VPS41: variants seen among roughly 807,000 people sequenced by gnomAD.
The protein encoded by VPS41 is VPS41 subunit of HOPS complex, also known as vacuolar protein sorting-associated protein 41 homolog.
VPS41 carries 85 observed loss-of-function variants against 130.9 expected under a neutral mutation model. The ratio of observed to expected loss-of-function variants is 0.65; its 90% confidence interval spans 0.55 to 0.78. The LOEUF is 0.78. Ranked by LOEUF, VPS41 falls within the 30% of genes least tolerant of loss-of-function variation. The pLI is 0.00. For synonymous variants in VPS41, 335 were observed against 332.9 expected, an observed-to-expected ratio of 1.01 and a Z score of -0.07; for missense variants, 874 against 1,018.7, an observed-to-expected ratio of 0.86 and a Z score of 1.93.
intron 14 of VPS41, 119 bp from the exon 15 acceptor site, chr7:38,767,717 T>C (rs1784076289): frequency 7.6e-6 from 4 of 529,044 alleles, no homozygotes; most frequent in Admixed American, 3.3e-5. Context: ...CTATAACCTG[T>C]TTATACTCTT....
chr7:38,786,160 C>T (rs1461561767), intron 10 of VPS41, among the ~76,000 whole-genome samples: 1 of 151,414 alleles, frequency 6.6e-6, no homozygotes, highest in Non-Finnish European at 1.5e-5. Context: ...CTGTGTGACA[C>T]CATGATTACA....
rs1374349812 is a variant in VPS41 at position 38,793,551 on chromosome 7, GTA to G, written c.717+1912_717+1913del. Among the ~76,000 whole-genome samples, 4 of 152,132 alleles carry G rather than the reference GTA, an allele frequency of 2.6e-5. 1 individual carries two copies. Among genetic ancestry groups the G allele is most frequent in the Admixed American group, 2.0e-4 (3 of 15,272 alleles). On this transcript the variant is annotated intron_variant, in intron 9 of 28. Coordinates refer to ENST00000310301, the MANE Select transcript of VPS41 (RefSeq NM_014396.4). ...ATCTTAACTTGGGCATAAAGAAAGG[GTA>G]TATGTTTCCCATGGCTGCTATAACA...
intron 18 of VPS41, 69 bp downstream of exon 18, chr7:38,758,285 C>G: frequency 6.9e-7 from 1 of 1,459,452 alleles, no homozygotes; most frequent in Non-Finnish European, 9.2e-7. Flanking sequence ...TGGAGTTTGC[C>G]AAATCTAAAG....
intron 4 of VPS41, among the ~76,000 whole-genome samples, chr7:38,837,260 A>G (rs534908656): frequency 2.0e-5 from 3 of 152,282 alleles, no homozygotes; most frequent in African/African-American, 7.2e-5. Flanking sequence ...AAAAAGACCA[A>G]TCATTTAGTG....
chr7:38,857,666 A>G (rs1229606970), intron 4 of VPS41, among the ~76,000 whole-genome samples: 5 of 152,228 alleles, frequency 3.3e-5, no homozygotes, highest in Non-Finnish European at 7.4e-5. Flanking sequence ...GAGACCACAT[A>G]TACCCACTGT....
chr7:38,825,521 C>A (rs747107277), intron 5 of VPS41, among the ~76,000 whole-genome samples: 1 of 152,128 alleles, frequency 6.6e-6, no homozygotes, highest in Non-Finnish European at 1.5e-5. Flanking sequence ...GGGAATCCCT[C>A]CGCTTTTGGG....
At chr7:38,800,732 G>T (rs1054751569) in intron 7 of VPS41, among the ~76,000 whole-genome samples, 8 of 152,034 alleles carry the variant, frequency 5.3e-5, no homozygotes, top group Non-Finnish European at 8.8e-5. Context: ...GCTACTCCAG[G>T]GGGTGAGGCA....
chr7:38,773,740 C>T (rs765333019), intron 12 of VPS41, among the ~76,000 whole-genome samples: 18 of 152,184 alleles, frequency 1.2e-4, no homozygotes, highest in Non-Finnish European at 2.5e-4. Context: ...AACTTCTCTG[C>T]CACCCCAGAG....
chr7:38,829,552 G>GAAA (rs1342358862), intron 5 of VPS41, among the ~76,000 whole-genome samples: 1 of 152,082 alleles, frequency 6.6e-6, no homozygotes, highest in Non-Finnish European at 1.5e-5. Flanking sequence ...ACCAACATTA[G>GAAA]AAAAGATTTC....
At chr7:38,829,204 GC>G (rs1785337155) in intron 5 of VPS41, among the ~76,000 whole-genome samples, 1 of 152,128 alleles carries the variant, frequency 6.6e-6, no homozygotes, top group Non-Finnish European at 1.5e-5. Flanking sequence ...TTTTTGAAAA[GC>G]ACTAGTGTTC....
Position 38,772,566 on chromosome 7 carries a change from G to A in VPS41, c.1084C>T (p.Gln362Ter). Residue 362 changes from glutamine (Q) to a stop codon, truncating the protein, a stop_gained, in exon 13 of 29, where the codon CAA becomes TAA. Coordinates refer to ENST00000310301, the MANE Select transcript of VPS41 (RefSeq NM_014396.4). LOFTEE classifies it high-confidence loss of function. ...RDVVVAKERD[Q>*]DDHIDWLLEK... ...AGGAGCCAGTCAATGTGATCATCTT[G>A]GTCTCGTTCCTTGGCCACTACAACA... 6.2e-7 allele frequency: 1 copy of A among 1,613,372 alleles called. No individual in the cohort carries two copies. Among genetic ancestry groups the A allele is most frequent in the Non-Finnish European group, 8.5e-7 (1 of 1,179,554 alleles).
At chr7:38,756,558 T>C (rs955660266) in intron 19 of VPS41, among the ~76,000 whole-genome samples, 7 of 152,192 alleles carry the variant, frequency 4.6e-5, no homozygotes, top group African/African-American at 1.7e-4. Context: ...TATGAATTGT[T>C]TTAGCAAGAA....
intron 10 of VPS41, among the ~76,000 whole-genome samples, chr7:38,777,731 C>A (rs530359226): frequency 6.6e-6 from 1 of 152,314 alleles, no homozygotes; most frequent in East Asian, 1.9e-4. Flanking sequence ...GTATTAGCTG[C>A]AGATTTAGTT....
At chr7:38,863,401 T>C (rs1786162178) in intron 3 of VPS41, among the ~76,000 whole-genome samples, 1 of 152,212 alleles carries the variant, frequency 6.6e-6, no homozygotes, top group African/African-American at 2.4e-5. Context: ...CTGTATTTCA[T>C]TGCATGTGAG....
At chr7:38,906,969 A>C (rs149545710) in intron 1 of VPS41, among the ~76,000 whole-genome samples, 1,554 of 152,238 alleles carry the variant, frequency 0.01, 6 homozygotes, top group Non-Finnish European at 0.014. Context: ...ATTTAACACA[A>C]ATTTATTAAG....
Position 38,862,632 on chromosome 7 carries a change from G to T in VPS41, c.169-10C>A. The T allele has an allele frequency of 6.4e-7, 1 of 1,566,478 alleles. No individual in the cohort carries two copies. Among genetic ancestry groups the T allele is most frequent in the Non-Finnish European group, 8.7e-7 (1 of 1,143,740 alleles). On this transcript the variant is annotated splice_polypyrimidine_tract_variant and intron_variant, in intron 3 of 28. Transcript: ENST00000310301. ...TGCCCAATGCCAAAAACTGTAAGAA[G>T]AACAAAGAGGCCAGTTAATTAATTA...
intron 23 of VPS41, 59 bp from the exon 24 acceptor site, chr7:38,743,601 A>C: frequency 1.3e-6 from 2 of 1,571,492 alleles, no homozygotes; most frequent in Non-Finnish European, 1.7e-6. Flanking sequence ...AATTTTTTTA[A>C]AGAAATTGCA....
chr7:38,856,914 G>A (rs2116288271), intron 4 of VPS41, among the ~76,000 whole-genome samples: 1 of 152,304 alleles, frequency 6.6e-6, no homozygotes, highest in Non-Finnish European at 1.5e-5. Context: ...AATTACTAGA[G>A]AGGGAAGAAA....
rs376536645 is a variant in VPS41 at position 38,796,859 on chromosome 7, T to C, written c.456A>G (p.Leu152=). 9.3e-6 allele frequency: 15 copies of C among 1,613,750 alleles called. No individual in the cohort carries two copies. In the African/African-American group the frequency reaches 1.5e-4, roughly 16 times the overall value. ...KQFVTGGKKL[L]LFERSWMNRW... ...TGTTCATCCAAGACCGTTCAAACAGTAGCAGCTAGGGACAAAAAGCATAAA... is the reference window on the plus strand; with the variant it reads ...TGTTCATCCAAGACCGTTCAAACAGCAGCAGCTAGGGACAAAAAGCATAAA... Residue 152 remains leucine (L), a synonymous_variant, in exon 8 of 29, where the codon CTA becomes CTG. Coordinates refer to ENST00000310301, the MANE Select transcript of VPS41 (RefSeq NM_014396.4).
Sources: allele counts gnomAD v4.1 joint callset (sites outside exome capture counted in the v4.1 genomes callset), GRCh38; gene constraint gnomAD v4.1.1; transcripts MANE v1.5; gene names NCBI Gene and HGNC (gene_info 2026-07-23, HGNC 2026-07-21).